CTNNA3: variants seen among roughly 807,000 people sequenced by gnomAD.
The protein encoded by CTNNA3 is catenin alpha 3.
In CTNNA3, 76 loss-of-function variants were observed where a neutral mutation model predicts 95.7. The observed-to-expected ratio is 0.79, with a 90% CI of 0.66 to 0.96. The LOEUF is 0.96. Among genes scored for constraint, CTNNA3 ranks in the 40% least tolerant of loss-of-function variants. The probability of loss-of-function intolerance (pLI) is 0.00; values close to 1 mark genes in which losing one functional copy is unlikely to be tolerated. For synonymous variants in CTNNA3, 431 were observed against 374.4 expected (o/e 1.15, Z -1.74); for missense variants, 1,191 against 1,089.8 (o/e 1.09, Z -1.31).
chr10:66,855,240 A>G (rs375208306), intron 7 of CTNNA3, among the ~76,000 whole-genome samples: 8 of 151,954 alleles, frequency 5.3e-5, no homozygotes, highest in African/African-American at 1.2e-4. Context: ...AAAATTATCT[A>G]GCGATCTTTG....
intron 6 of CTNNA3, among the ~76,000 whole-genome samples, chr10:67,212,412 A>T (rs906922614): frequency 1.3e-5 from 2 of 152,016 alleles, no homozygotes; most frequent in Non-Finnish European, 2.9e-5. Flanking sequence ...ATATAAAAGT[A>T]AAAATGCTGT....
In CTNNA3 at chr10:67,726,363, A is replaced by G. The variant is rs866165157; in HGVS notation, c.-2+37071T>C. Among the ~76,000 whole-genome samples the G allele has an allele frequency of 4.8e-5, 2 of 41,618 alleles. 1 individual carries two copies. The highest frequency in any genetic ancestry group is 7.8e-4 in the Admixed American group (2 of 2,566). 27.3% of individuals were successfully genotyped at this position (41,618 alleles called of 152,430 possible). ...ATATAATATATGATATATATGATAT[A>G]ATATATGATATTATATATGAAATTA... On this transcript the variant is annotated intron_variant, in intron 1 of 17. Coordinates refer to the CTNNA3 transcript ENST00000684154.
At chr10:66,901,224 C>A (rs1351124896) in intron 7 of CTNNA3, among the ~76,000 whole-genome samples, 1 of 152,140 alleles carries the variant, frequency 6.6e-6, no homozygotes, top group Non-Finnish European at 1.5e-5. Flanking sequence ...GGCCAATATT[C>A]AACATTTAAA....
chr10:66,925,942 G>C (rs1179067064), intron 7 of CTNNA3: 18 of 446,922 alleles, frequency 4.0e-5, no homozygotes. Flanking sequence ...CTGCTCATTT[G>C]CAAGATAAAA....
chr10:66,251,490 T>C (rs1221942100), intron 13 of CTNNA3, among the ~76,000 whole-genome samples: 1 of 152,126 alleles, frequency 6.6e-6, no homozygotes, highest in Non-Finnish European at 1.5e-5. Context: ...CATGGCTAAA[T>C]TGGCATCAAA....
chr10:67,685,115 G>A (rs1840705397), intron 1 of CTNNA3, among the ~76,000 whole-genome samples: 1 of 152,178 alleles, frequency 6.6e-6, no homozygotes, highest in South Asian at 2.1e-4. Context: ...GTTATTTCTT[G>A]CAAACTGTCT....
Position 66,927,183 on chromosome 10 carries a change from G to A in CTNNA3, c.1048-151659C>T. On this transcript the variant is annotated intron_variant, in intron 7 of 17. Coordinates refer to ENST00000433211, the MANE Select transcript of CTNNA3 (RefSeq NM_013266.4). The surrounding 1 kb of genome is among the most constrained non-coding windows in gnomAD (Gnocchi z 4.7). ...TTAAAGGGCTCAACCAGCTCACCTGGCTATACCTTGACCATAACCATATCA... is the reference window on the plus strand; with the variant it reads ...TTAAAGGGCTCAACCAGCTCACCTGACTATACCTTGACCATAACCATATCA... 6.2e-7 allele frequency: 1 copy of A among 1,614,090 alleles called. No homozygotes were observed. The highest frequency in any genetic ancestry group is 2.2e-5 in the East Asian group (1 of 44,878).
At chr10:66,364,406 A>T (rs1347612588) in intron 12 of CTNNA3, among the ~76,000 whole-genome samples, 3 of 151,952 alleles carry the variant, frequency 2.0e-5, no homozygotes, top group African/African-American at 7.2e-5. Flanking sequence ...GAATAAAAAA[A>T]TTACATCGAC....
intron 5 of CTNNA3, among the ~76,000 whole-genome samples, chr10:67,398,782 A>C (rs973570753): frequency 3.3e-5 from 5 of 152,070 alleles, no homozygotes; most frequent in African/African-American, 1.2e-4. Context: ...CATGATAGTG[A>C]GTGAGTTCTC....
At chr10:67,477,734 T>C (rs1479295099) in intron 5 of CTNNA3, among the ~76,000 whole-genome samples, 1 of 152,120 alleles carries the variant, frequency 6.6e-6, no homozygotes, top group Admixed American at 6.5e-5. Context: ...TACCAGTGAC[T>C]ACAGATGAGA....
intron 5 of CTNNA3, among the ~76,000 whole-genome samples, chr10:67,465,579 T>A (rs1847559215): frequency 6.6e-6 from 1 of 152,140 alleles, no homozygotes; most frequent in Admixed American, 6.5e-5. Context: ...GTCCACAGCC[T>A]TCAGGGAAAG....
chr10:66,628,772 G>A (rs1353563448), intron 9 of CTNNA3, among the ~76,000 whole-genome samples: 1 of 152,206 alleles, frequency 6.6e-6, no homozygotes, highest in African/African-American at 2.4e-5. Context: ...AACACTAGAA[G>A]TTCTTCAGGT....
At chr10:66,827,126 A>G (rs1008576832) in intron 7 of CTNNA3, among the ~76,000 whole-genome samples, 2 of 152,166 alleles carry the variant, frequency 1.3e-5, no homozygotes, top group Non-Finnish European at 2.9e-5. Context: ...GCTGCAGGCT[A>G]TCTACTAGTC....
At chr10:66,032,311 AT>A (rs1431799916) in intron 15 of CTNNA3, among the ~76,000 whole-genome samples, 2 of 152,184 alleles carry the variant, frequency 1.3e-5, no homozygotes, top group African/African-American at 4.8e-5. Context: ...AAACCCTTTG[AT>A]TAAATTATTT....
chr10:66,130,582 C>A (rs375629821), intron 13 of CTNNA3, among the ~76,000 whole-genome samples: 2 of 152,000 alleles, frequency 1.3e-5, no homozygotes, highest in African/African-American at 4.8e-5. Flanking sequence ...CTGTGGCTCA[C>A]GCCTGTAATC....
intron 7 of CTNNA3, among the ~76,000 whole-genome samples, chr10:67,109,717 C>T (rs1258667018): frequency 6.6e-6 from 1 of 152,144 alleles, no homozygotes; most frequent in Non-Finnish European, 1.5e-5. Context: ...GTGGCCTGCG[C>T]CTCTAGTCCC....
chr10:66,013,086 A>G (rs1420536927), intron 15 of CTNNA3, among the ~76,000 whole-genome samples: 1 of 152,138 alleles, frequency 6.6e-6, no homozygotes, highest in Non-Finnish European at 1.5e-5. Context: ...TTTTTAGTGG[A>G]GACAGTGTTT....
At chr10:67,045,474 G>T (rs1589654957) in intron 7 of CTNNA3, among the ~76,000 whole-genome samples, 2 of 152,108 alleles carry the variant, frequency 1.3e-5, no homozygotes, top group East Asian at 3.9e-4. Flanking sequence ...TGTTGCGAGG[G>T]CTGACTTTCA....
intron 1 of CTNNA3, among the ~76,000 whole-genome samples, chr10:67,702,444 A>C (rs1200444972): frequency 6.6e-6 from 1 of 152,256 alleles, no homozygotes; most frequent in Non-Finnish European, 1.5e-5. Flanking sequence ...CCACAGTGCA[A>C]TCAAACTACA....
Sources: gnomAD v4.1 joint callset for allele counts (sites outside exome capture counted in the v4.1 genomes callset) on GRCh38, gnomAD v4.1.1 for gene constraint, Gnocchi (gnomAD v3.1) non-coding constraint, MANE v1.5 for transcripts, NCBI Gene and HGNC (gene_info 2026-07-23, HGNC 2026-07-21) for gene names.